The following FGF12 variants were observed in gnomAD, a reference collection of about 807,000 sequenced individuals.
FGF12 encodes the protein fibroblast growth factor 12B.
FGF12 carries 14 observed loss-of-function variants against 23.6 expected under a neutral mutation model. That is an observed-to-expected ratio of 0.59 (90% CI 0.39 to 0.93). FGF12 has a LOEUF of 0.93. FGF12 is among the 40% of genes least tolerant of loss of function. The probability of loss-of-function intolerance (pLI) is 0.00; values close to 1 mark genes in which losing one functional copy is unlikely to be tolerated. For missense variants in FGF12, 175 were observed against 217.8 expected (o/e 0.80, Z 1.24); for synonymous variants, 62 against 77.3 (o/e 0.80, Z 1.04).
chr3:192,599,728 G>C (rs1452523432), intron 2 of FGF12, among the ~76,000 whole-genome samples: 2 of 152,096 alleles, frequency 1.3e-5, no homozygotes, highest in East Asian at 3.9e-4. Context: ...GTAAGAGAAT[G>C]ACTGTGCTTT....
At chr3:192,662,282 G>C (rs1716698822) in intron 2 of FGF12, among the ~76,000 whole-genome samples, 1 of 152,076 alleles carries the variant, frequency 6.6e-6, no homozygotes. Flanking sequence ...TTATTGAAAA[G>C]GCAGGTTTGC....
intron 4 of FGF12, among the ~76,000 whole-genome samples, chr3:192,321,532 C>T (rs79916685): frequency 2.0e-5 from 3 of 149,186 alleles, no homozygotes; most frequent in African/African-American, 4.9e-5. Flanking sequence ...AAACTATAGG[C>T]TAGTGTCTCT....
chr3:192,519,351 G>T (rs1724757455), intron 2 of FGF12, among the ~76,000 whole-genome samples: 1 of 152,068 alleles, frequency 6.6e-6, no homozygotes, highest in Non-Finnish European at 1.5e-5. Context: ...TTTCAATTTG[G>T]ATTTGTCCAA....
intron 2 of FGF12, among the ~76,000 whole-genome samples, chr3:192,671,146 C>A (rs1248384715): frequency 1.3e-5 from 2 of 152,102 alleles, no homozygotes; most frequent in East Asian, 3.9e-4. Flanking sequence ...AGACAAAGAC[C>A]AGGTTATGAA....
chr3:192,288,410 T>G (rs1437783744), intron 4 of FGF12, among the ~76,000 whole-genome samples: 1 of 152,110 alleles, frequency 6.6e-6, no homozygotes, highest in Admixed American at 6.6e-5. Context: ...TCCCGAAGGA[T>G]TCATGAATCT....
intron 4 of FGF12, among the ~76,000 whole-genome samples, chr3:192,207,163 G>A (rs751963577): frequency 3.3e-5 from 5 of 152,112 alleles, no homozygotes; most frequent in East Asian, 1.9e-4. Flanking sequence ...TCAGTGAAAC[G>A]AAAATAATAC....
intron 2 of FGF12, among the ~76,000 whole-genome samples, chr3:192,464,499 GGTGTGT>G (rs34803297): frequency 0.062 from 8,233 of 132,574 alleles, 326 homozygotes; most frequent in East Asian, 0.13. Context: ...AGTATTCCAT[GGTGTGT>G]GTGTGTGTGT....
intron 4 of FGF12, among the ~76,000 whole-genome samples, chr3:192,271,134 A>G (rs1355863783): frequency 6.6e-6 from 1 of 152,222 alleles, no homozygotes; most frequent in East Asian, 1.9e-4. Flanking sequence ...TGGACATTGT[A>G]TAAGACATCC....
In FGF12 at chr3:192,141,665, T is replaced by G. The variant is rs1289053068; in HGVS notation, c.*2344A>C. The stretch of plus-strand genomic sequence containing the variant: ...TGAATAGCCACTGAAAATGGAGGAA[T>G]TTTGTTAGTGATTCATATCTCTATT... On this transcript the variant is annotated 3_prime_UTR_variant, in exon 6 of 6. Transcript: ENST00000445105. 6.6e-6 allele frequency: 1 copy of G among 152,060 alleles called. No homozygotes were observed. Among genetic ancestry groups the G allele is most frequent in the Non-Finnish European group, 1.5e-5 (1 of 67,908 alleles). 9.4% of individuals were successfully genotyped at this position (152,060 alleles called of 1,614,324 possible).
chr3:192,237,048 T>A (rs1026639709), intron 4 of FGF12, among the ~76,000 whole-genome samples: 4 of 152,146 alleles, frequency 2.6e-5, no homozygotes, highest in African/African-American at 9.7e-5. Flanking sequence ...ATTCCCTTAG[T>A]GTTTGCTTGT....
chr3:192,375,972 T>C (rs1387968473), intron 2 of FGF12, among the ~76,000 whole-genome samples: 1 of 152,222 alleles, frequency 6.6e-6, no homozygotes, highest in Non-Finnish European at 1.5e-5. Context: ...TGTGATTTTA[T>C]AACATTACTA....
intron 4 of FGF12, among the ~76,000 whole-genome samples, chr3:192,295,726 CAAAT>C (rs1180624247): frequency 2.0e-5 from 3 of 152,074 alleles, no homozygotes; most frequent in African/African-American, 7.2e-5. Flanking sequence ...TACTGAATCT[CAAAT>C]AAAATCAAAT....
chr3:192,471,282 A>C (rs1303627609), intron 2 of FGF12, among the ~76,000 whole-genome samples: 2 of 152,218 alleles, frequency 1.3e-5, no homozygotes, highest in Non-Finnish European at 2.9e-5. Flanking sequence ...TCTTAGCTTT[A>C]GGAGCCAAGC....
chr3:192,392,110 G>A (rs1683414887), intron 2 of FGF12, among the ~76,000 whole-genome samples: 1 of 152,156 alleles, frequency 6.6e-6, no homozygotes, highest in Non-Finnish European at 1.5e-5. Flanking sequence ...ATTATAGAGA[G>A]AAGGGATTAC....
intron 2 of FGF12, among the ~76,000 whole-genome samples, chr3:192,432,620 CAAAAAAAA>C (rs201364119): frequency 3.7e-5 from 4 of 106,726 alleles, no homozygotes; most frequent in Admixed American, 2.0e-4. Flanking sequence ...TGACATCTGG[CAAAAAAAA>C]AAAAAAAAAA....
In FGF12 at chr3:192,453,437, G is replaced by GC. The variant is rs777149401; in HGVS notation, c.14-92900dup. 9.6e-4 allele frequency among the ~76,000 whole-genome samples: 145 copies of GC among 151,212 alleles called. 1 individual carries two copies. The East Asian group carries it at 0.014, about 15-fold the overall frequency. On this transcript the variant is annotated intron_variant, in intron 2 of 5. Transcript: ENST00000445105. ...TGGTTCTTGAAGGGTCATTAAGAAT[G>GC]CCCCCCCCTTTTTAAAAAAAAAATT...
At chr3:192,311,927 G>GTCTA (rs35183560) in intron 4 of FGF12, among the ~76,000 whole-genome samples, 43,736 of 145,130 alleles carry the variant, frequency 0.3, 6,492 homozygotes, top group Admixed American at 0.34. Flanking sequence ...TTGACTGTCT[G>GTCTA]TCTATCTATC....
At chr3:192,619,524 C>T (rs1031258926) in intron 2 of FGF12, among the ~76,000 whole-genome samples, 9 of 152,084 alleles carry the variant, frequency 5.9e-5, no homozygotes, top group Admixed American at 3.9e-4. Context: ...CATTTGGTAT[C>T]ATAGCCATGG....
intron 2 of FGF12, among the ~76,000 whole-genome samples, chr3:192,522,916 G>C (rs1392558756): frequency 6.6e-6 from 1 of 152,182 alleles, no homozygotes; most frequent in Non-Finnish European, 1.5e-5. Context: ...AGGTACACAA[G>C]AAATTGGCAT....
Sources: allele counts gnomAD v4.1 joint callset (sites outside exome capture counted in the v4.1 genomes callset), GRCh38; gene constraint gnomAD v4.1.1; transcripts MANE v1.5; gene names NCBI Gene and HGNC (gene_info 2026-07-23, HGNC 2026-07-21).